The following CLVS1 variants were observed in gnomAD, a reference collection of about 807,000 sequenced individuals.
CLVS1 encodes the protein clavesin-1.
In CLVS1, 10 loss-of-function variants were observed where a neutral mutation model predicts 33.1. That is an observed-to-expected ratio of 0.30 (90% CI 0.19 to 0.51). CLVS1 has a LOEUF of 0.51. Among genes scored for constraint, CLVS1 ranks in the 20% least tolerant of loss-of-function variants. CLVS1 has a pLI of 0.97. For synonymous variants in CLVS1, 163 were observed against 166.1 expected (o/e 0.98, Z 0.14); for missense variants, 343 against 433.4 (o/e 0.79, Z 1.85).
Position 61,103,435 on chromosome 8 carries a change from A to G in CLVS1, c.-242-28335A>G, listed in dbSNP as rs17830303. 2.6e-3 allele frequency among the ~76,000 whole-genome samples: 395 copies of G among 152,354 alleles called. 2 individuals are homozygous for G. The highest frequency in any genetic ancestry group is 3.7e-3 in the Non-Finnish European group (250 of 68,030). ...AACTGAGAGTAGTTTGATCTAGAAAAAGATGAGCATCTGAAAGAAGGATGA... is the reference window on the plus strand; with the variant it reads ...AACTGAGAGTAGTTTGATCTAGAAAGAGATGAGCATCTGAAAGAAGGATGA... On this transcript the variant is annotated intron_variant, in intron 1 of 2. Transcript: ENST00000522621.
intron 2 of CLVS1, among the ~76,000 whole-genome samples, chr8:61,265,085 C>A (rs1402654408): frequency 1.3e-5 from 2 of 152,138 alleles, no homozygotes; most frequent in African/African-American, 4.8e-5. Context: ...GAGGTCCTGA[C>A]TCCTCATGAC....
At chr8:61,236,284 C>T (rs1808557148) in intron 2 of CLVS1, among the ~76,000 whole-genome samples, 1 of 152,118 alleles carries the variant, frequency 6.6e-6, no homozygotes, top group African/African-American at 2.4e-5. Flanking sequence ...GGGTATGAGA[C>T]CGATATTTAC....
chr8:61,174,929 A>C (rs150189984), intron 2 of CLVS1, among the ~76,000 whole-genome samples: 3 of 88,748 alleles, frequency 3.4e-5, no homozygotes, highest in Admixed American at 1.3e-4. Flanking sequence ...TGTCTATAAG[A>C]GCTGTTTGTT....
intron 3 of CLVS1, among the ~76,000 whole-genome samples, chr8:61,423,556 G>A (rs1245425455): frequency 6.6e-6 from 1 of 152,174 alleles, no homozygotes; most frequent in Non-Finnish European, 1.5e-5. Flanking sequence ...GCATAATTGT[G>A]CTTAGAAACG....
chr8:61,318,669 T>C (rs943161266), intron 2 of CLVS1, among the ~76,000 whole-genome samples: 2 of 152,202 alleles, frequency 1.3e-5, no homozygotes, highest in Non-Finnish European at 2.9e-5. Context: ...GTTTTTGTCT[T>C]CCAGTACAGC....
At position 61,256,369 on chromosome 8, in the gene CLVS1, C is replaced by T. The variant is rs186807963; in HGVS notation, c.-151-43308C>T. On this transcript the variant is annotated intron_variant, in intron 2 of 2. Transcript: ENST00000522621. ...CTGTACTAAAAATACAAAAATTAGC[C>T]GGGCGTGGTGGCAGACACCTGTAGT... 5.3e-4 allele frequency among the ~76,000 whole-genome samples: 80 copies of T among 152,192 alleles called. No homozygotes were observed. In the East Asian group the frequency reaches 9.5e-3, roughly 18 times the overall value.
intron 2 of CLVS1, among the ~76,000 whole-genome samples, chr8:61,157,282 G>A (rs1010569516): frequency 2.6e-5 from 4 of 151,904 alleles, no homozygotes; most frequent in African/African-American, 9.7e-5. Flanking sequence ...GCACTAAAAC[G>A]ATTTACAGGG....
At chr8:61,162,561 A>G (rs536463470) in intron 2 of CLVS1, among the ~76,000 whole-genome samples, 10 of 152,302 alleles carry the variant, frequency 6.6e-5, no homozygotes, top group African/African-American at 2.4e-4. Flanking sequence ...AAAACACACT[A>G]TTTTCTCTCT....
chr8:61,194,382 C>T (rs1348961798), intron 2 of CLVS1, among the ~76,000 whole-genome samples: 1 of 144,586 alleles, frequency 6.9e-6, no homozygotes, highest in Non-Finnish European at 1.5e-5. Flanking sequence ...CAAATACTAA[C>T]CAAAAAACCC....
At chr8:61,443,609 C>T (rs2129606334) in intron 3 of CLVS1, among the ~76,000 whole-genome samples, 1 of 152,242 alleles carries the variant, frequency 6.6e-6, no homozygotes, top group East Asian at 1.9e-4. Context: ...TATATCTTTT[C>T]CTCCACAAAT....
the CLVS1 span, among the ~76,000 whole-genome samples, chr8:61,014,668 T>A: frequency 6.6e-6 from 1 of 152,240 alleles, no homozygotes; most frequent in African/African-American, 2.4e-5. Context: ...GTGGCAAAAC[T>A]GTAAAGCTTT....
intron 2 of CLVS1, among the ~76,000 whole-genome samples, chr8:61,374,495 T>C (rs2129601488): frequency 6.6e-6 from 1 of 152,302 alleles, no homozygotes; most frequent in East Asian, 1.9e-4. Context: ...TAATCTTTGC[T>C]CCCTTGTTCC....
intron 5 of CLVS1, among the ~76,000 whole-genome samples, chr8:61,468,718 A>G (rs1208894825): frequency 5.7e-5 from 1 of 17,676 alleles, no homozygotes; most frequent in Non-Finnish European, 3.7e-4. Context: ...AAAAGTACTA[A>G]AAAAAAAAAA....
chr8:60,997,291 C>T, the CLVS1 span, among the ~76,000 whole-genome samples: 9 of 152,008 alleles, frequency 5.9e-5, no homozygotes, highest in African/African-American at 9.7e-5. Flanking sequence ...TTCAGAGAGC[C>T]GGCAGACATG....
At chr8:61,273,057 C>G (rs7008152) in intron 2 of CLVS1, among the ~76,000 whole-genome samples, 102,119 of 149,312 alleles carry the variant, frequency 0.68, 37,351 homozygotes, top group East Asian at 0.97. Flanking sequence ...TCCTTTGGAG[C>G]AGAGGCGCTC....
chr8:61,021,639 G>A, the CLVS1 span, among the ~76,000 whole-genome samples: 17 of 151,946 alleles, frequency 1.1e-4, no homozygotes, highest in African/African-American at 1.9e-4. Flanking sequence ...TGGGATTACC[G>A]CATGAGCGCA....
chr8:61,048,496 C>T, the CLVS1 span, among the ~76,000 whole-genome samples: 1 of 152,138 alleles, frequency 6.6e-6, no homozygotes, highest in Non-Finnish European at 1.5e-5. Flanking sequence ...GCTGAATGCC[C>T]CAGATGCTGT....
chr8:61,322,067 C>T (rs1413572724), intron 2 of CLVS1, among the ~76,000 whole-genome samples: 1 of 152,096 alleles, frequency 6.6e-6, no homozygotes, highest in African/African-American at 2.4e-5. Flanking sequence ...TATAAATTCC[C>T]AGAAGGAGAA....
At chr8:61,349,917 G>T (rs1360837022) in intron 2 of CLVS1, among the ~76,000 whole-genome samples, 1 of 152,070 alleles carries the variant, frequency 6.6e-6, no homozygotes, top group Non-Finnish European at 1.5e-5. Context: ...AATAACCCCT[G>T]AACTGCATCA....
Sources: gnomAD v4.1 joint callset for allele counts (sites outside exome capture counted in the v4.1 genomes callset) on GRCh38, gnomAD v4.1.1 for gene constraint, MANE v1.5 for transcripts, NCBI Gene and HGNC (gene_info 2026-07-23, HGNC 2026-07-21) for gene names.